The following TMEM135 variants were observed in gnomAD, a reference collection of about 807,000 sequenced individuals.
The protein encoded by TMEM135 is transmembrane protein 135.
In TMEM135, 30 loss-of-function variants were observed where a neutral mutation model predicts 60.3. The ratio of observed to expected loss-of-function variants is 0.50; its 90% CI spans 0.37 to 0.68. The LOEUF is 0.68. TMEM135 is among the 30% of genes least tolerant of loss of function. TMEM135 has a pLI of 0.00. For missense variants in TMEM135, 468 were observed against 548.8 expected (o/e 0.85, Z 1.47); for synonymous variants, 190 against 186.7 (o/e 1.02, Z -0.14).
chr11:87,303,005 C>CAATA (rs140893905), intron 8 of TMEM135, among the ~76,000 whole-genome samples: 5,514 of 152,008 alleles, frequency 0.036, 94 homozygotes, highest in Admixed American at 0.046. Flanking sequence ...GATTATCAAC[C>CAATA]AATAAAATCT....
At chr11:87,140,663 ATATTTG>A (rs963661414) in intron 4 of TMEM135, among the ~76,000 whole-genome samples, 2 of 152,044 alleles carry the variant, frequency 1.3e-5, no homozygotes, top group African/African-American at 4.8e-5. Context: ...TTTTTCTTTA[ATATTTG>A]TTTTTTTATC....
Position 87,261,118 on chromosome 11 carries a change from T to C in TMEM135, c.509+24434T>C, listed in dbSNP as rs17821201. On this transcript the variant is annotated intron_variant, in intron 6 of 14. Coordinates refer to ENST00000305494, the MANE Select transcript of TMEM135 (RefSeq NM_022918.4). Reference sequence around the variant, plus strand: ...TCACAACAAGTAGAGTCAAGACGTTTTTCTCAACATCTTGAATTTCTGTAA... The same window carrying C: ...TCACAACAAGTAGAGTCAAGACGTTCTTCTCAACATCTTGAATTTCTGTAA... 7.8e-3 allele frequency among the ~76,000 whole-genome samples: 1,189 copies of C among 152,336 alleles called. 5 individuals carry two copies. The highest frequency in any genetic ancestry group is 0.011 in the Non-Finnish European group (733 of 68,030).
At chr11:87,285,078 AAAAT>A (rs1335136878) in intron 6 of TMEM135, among the ~76,000 whole-genome samples, 2 of 152,244 alleles carry the variant, frequency 1.3e-5, no homozygotes, top group African/African-American at 2.4e-5. Context: ...AAACAAAACA[AAAAT>A]AAAAGTCTGA....
At chr11:87,171,087 C>T (rs1030711320) in intron 5 of TMEM135, among the ~76,000 whole-genome samples, 1 of 151,946 alleles carries the variant, frequency 6.6e-6, no homozygotes, top group South Asian at 2.1e-4. Flanking sequence ...TTAGGAGAAA[C>T]AATATGAAAA....
intron 5 of TMEM135, among the ~76,000 whole-genome samples, chr11:87,182,511 G>A (rs1308643091): frequency 6.6e-6 from 1 of 152,072 alleles, no homozygotes; most frequent in Admixed American, 6.6e-5. Context: ...GAATCTCCTT[G>A]CATCACTAAC....
chr11:87,153,605 T>C (rs1228099529), intron 4 of TMEM135, among the ~76,000 whole-genome samples: 1 of 152,230 alleles, frequency 6.6e-6, no homozygotes, highest in Non-Finnish European at 1.5e-5. Flanking sequence ...CATATGCTTA[T>C]TATGCTTAAT....
chr11:87,064,963 C>CCA (rs1851231779), intron 1 of TMEM135, among the ~76,000 whole-genome samples: 1 of 148,808 alleles, frequency 6.7e-6, no homozygotes, highest in African/African-American at 2.5e-5. Context: ...TTTTTTTTTT[C>CCA]CCCCCACTCA....
intron 4 of TMEM135, among the ~76,000 whole-genome samples, chr11:87,153,582 C>G (rs777635326): frequency 6.6e-6 from 1 of 152,156 alleles, no homozygotes; most frequent in Non-Finnish European, 1.5e-5. Context: ...ATCCCTTCTA[C>G]CTCATTGTTA....
chr11:87,125,816 T>C (rs1187017332), intron 4 of TMEM135, among the ~76,000 whole-genome samples: 6 of 152,202 alleles, frequency 3.9e-5, no homozygotes, highest in Non-Finnish European at 5.9e-5. Context: ...CATCAAATTA[T>C]AAGAGCTCTA....
At chr11:87,133,485 A>G (rs1372092517) in intron 4 of TMEM135, among the ~76,000 whole-genome samples, 1 of 152,206 alleles carries the variant, frequency 6.6e-6, no homozygotes, top group South Asian at 2.1e-4. Flanking sequence ...ATCATAGACC[A>G]TGTCAACTTT....
intron 4 of TMEM135, among the ~76,000 whole-genome samples, chr11:87,136,276 T>G (rs181678106): frequency 3.9e-5 from 6 of 152,182 alleles, no homozygotes; most frequent in African/African-American, 1.2e-4. Flanking sequence ...TCTATAGAGA[T>G]GAACATGTGC....
At chr11:87,094,877 T>C (rs183955147) in intron 4 of TMEM135, 15 of 159,240 alleles carry the variant, frequency 9.4e-5, no homozygotes, top group Middle Eastern at 5.5e-3. Context: ...AATCCATTCT[T>C]ATAGTTAGTG....
intron 8 of TMEM135, among the ~76,000 whole-genome samples, 162 bp from the exon 9 acceptor site, chr11:87,305,774 T>G (rs539952665): frequency 2.5e-5 from 3 of 119,812 alleles, no homozygotes; most frequent in East Asian, 4.9e-4. Context: ...AGACTTTATC[T>G]CAAAATAAAT....
At chr11:87,054,079 G>T (rs892585106) in intron 1 of TMEM135, among the ~76,000 whole-genome samples, 3 of 152,094 alleles carry the variant, frequency 2.0e-5, no homozygotes, top group African/African-American at 7.2e-5. Flanking sequence ...ATACTTGAGG[G>T]GAATCAATAA....
intron 4 of TMEM135, among the ~76,000 whole-genome samples, chr11:87,122,636 T>C (rs1488414110): frequency 1.3e-5 from 2 of 152,046 alleles, no homozygotes; most frequent in Admixed American, 1.3e-4. Context: ...AATGTCTGTA[T>C]TTTTAGTAGA....
intron 6 of TMEM135, among the ~76,000 whole-genome samples, chr11:87,247,509 C>G (rs927263067): frequency 1.3e-5 from 2 of 152,120 alleles, no homozygotes; most frequent in Non-Finnish European, 2.9e-5. Flanking sequence ...GGGCTCCACC[C>G]AGTTCGAGCT....
chr11:87,072,443 C>T (rs751508742), intron 3 of TMEM135, among the ~76,000 whole-genome samples: 12 of 152,154 alleles, frequency 7.9e-5, no homozygotes, highest in Admixed American at 3.3e-4. Flanking sequence ...TGCAGTGGTG[C>T]GACCTCGACC....
intron 5 of TMEM135, among the ~76,000 whole-genome samples, chr11:87,202,361 C>T (rs1046661229): frequency 7.9e-5 from 12 of 152,230 alleles, no homozygotes; most frequent in African/African-American, 2.9e-4. Flanking sequence ...GGTCTGGCTC[C>T]ATCACCCAGG....
intron 4 of TMEM135, among the ~76,000 whole-genome samples, chr11:87,111,304 C>G (rs573968854): frequency 6.6e-6 from 1 of 151,756 alleles, no homozygotes; most frequent in East Asian, 1.9e-4. Context: ...ATTTATTGTT[C>G]TCTGAAATAA....
Sources: gnomAD v4.1 joint callset for allele counts (sites outside exome capture counted in the v4.1 genomes callset) on GRCh38, gnomAD v4.1.1 for gene constraint, MANE v1.5 for transcripts, NCBI Gene and HGNC (gene_info 2026-07-23, HGNC 2026-07-21) for gene names.